The following ADGRV1 variants were observed in gnomAD, a reference collection of about 807,000 sequenced individuals.
ADGRV1 encodes the protein G-protein coupled receptor 98.
In ADGRV1, 359 loss-of-function variants were observed where a neutral mutation model predicts 596.2. That is an observed-to-expected ratio of 0.60 (90% CI 0.55 to 0.66). The LOEUF (loss-of-function observed/expected upper bound fraction) is 0.66, where lower values mean the gene tolerates loss of function less well. Among genes scored for constraint, ADGRV1 ranks in the 30% least tolerant of loss-of-function variants. The probability of loss-of-function intolerance (pLI) is 0.00; values close to 1 mark genes in which losing one functional copy is unlikely to be tolerated. For synonymous variants in ADGRV1, 2,681 were observed against 2,679.2 expected, an observed-to-expected ratio of 1.00 and a Z score of -0.02; for missense variants, 7,274 against 7,575.6, an observed-to-expected ratio of 0.96 and a Z score of 1.48.
At position 90,863,075 on chromosome 5, in the gene ADGRV1, G is replaced by T. The variant is rs539687172; in HGVS notation, c.17756-682G>T. Among the ~76,000 whole-genome samples the T allele has an allele frequency of 3.3e-5, 5 of 152,208 alleles. No individual in the cohort carries two copies. The South Asian group carries it at 1.0e-3, about 32-fold the overall frequency. ...ATAACCCTACTGAGAATAAGAGTGG[G>T]GTAAAAGCTTAAGTGAAAAAGCAAA... On this transcript the variant is annotated intron_variant, in intron 82 of 89. Transcript: ENST00000405460.
intron 83 of ADGRV1, among the ~76,000 whole-genome samples, chr5:90,883,047 C>G (rs927451070): frequency 3.3e-5 from 5 of 152,042 alleles, no homozygotes; most frequent in African/African-American, 1.2e-4. Flanking sequence ...AATTCAGTCT[C>G]TACCTTGAAA....
chr5:90,965,594 T>C, intron 84 of ADGRV1, 63 bp downstream of exon 84: 1 of 879,858 alleles, frequency 1.1e-6, no homozygotes, highest in Non-Finnish European at 1.9e-6. Flanking sequence ...TGGAGTGGTC[T>C]TAATGTCTGA....
chr5:90,802,811 G>A lies in ADGRV1; in HGVS notation c.14590G>A (p.Gly4864Arg). Residue 4864 changes from glycine to arginine, a missense_variant, in exon 71 of 90, where the codon GGA (glycine) becomes AGA (arginine). Coordinates refer to ENST00000405460, the MANE Select transcript of ADGRV1 (RefSeq NM_032119.4). ...TVMLVGGRFY[G>R]MPTILQEAKS... The stretch of plus-strand genomic sequence containing the variant: ...GATGCTTGTCGGTGGACGTTTCTAT[G>A]GAATGCCAACAATTCTTCAGGAAGC... 6 of 1,612,480 alleles carry A rather than the reference G, an allele frequency of 3.7e-6. No homozygotes were observed. The highest frequency in any genetic ancestry group is 4.2e-6 in the Non-Finnish European group (5 of 1,179,388).
intron 29 of ADGRV1, 137 bp from the exon 30 acceptor site, chr5:90,689,724 A>G (rs1746211122): frequency 1.6e-6 from 1 of 629,904 alleles, no homozygotes; most frequent in Admixed American, 2.9e-5. Context: ...CTTGCTTAGA[A>G]TAAATGTAGT....
chr5:90,935,927 G>A (rs945376723), intron 83 of ADGRV1, among the ~76,000 whole-genome samples: 1 of 152,184 alleles, frequency 6.6e-6, no homozygotes, highest in African/African-American at 2.4e-5. Context: ...GTAGTGTGTT[G>A]TGATGGTGCT....
rs147259341 is a variant in ADGRV1 at position 90,935,476 on chromosome 5, T to C, written c.17857-29939T>C. Among the ~76,000 whole-genome samples the C allele has an allele frequency of 3.9e-3, 593 of 152,300 alleles. 2 individuals are homozygous for C. The highest frequency in any genetic ancestry group is 7.0e-3 in the Non-Finnish European group (474 of 68,026). ...GGTATCAGCTGGCAGAGGGGAATAG[T>C]TGTAACCTATTTGATCATGTTTTGC... On this transcript the variant is annotated intron_variant, in intron 83 of 89. Coordinates refer to ENST00000405460, the MANE Select transcript of ADGRV1 (RefSeq NM_032119.4).
In ADGRV1 at chr5:90,922,837, C is replaced by T. The variant is rs540648556; in HGVS notation, c.17857-42578C>T. ...GTCCTCAGGCTTTAGAAATAGCATT[C>T]ATCATATTAATGACAGTTGGTTCTT... On this transcript the variant is annotated intron_variant, in intron 83 of 89. Coordinates refer to ENST00000405460, the MANE Select transcript of ADGRV1 (RefSeq NM_032119.4). Among the ~76,000 whole-genome samples, 7 of 152,298 alleles carry T rather than the reference C, an allele frequency of 4.6e-5. No homozygotes were observed. In the East Asian group the frequency reaches 9.7e-4, roughly 21 times the overall value.
chr5:90,621,981 T>C (rs1236046760), intron 4 of ADGRV1, among the ~76,000 whole-genome samples: 1 of 152,080 alleles, frequency 6.6e-6, no homozygotes, highest in Non-Finnish European at 1.5e-5. Context: ...GGCTACTGAG[T>C]TTTGCTGTCA....
chr5:90,583,053 C>T (rs1432632493), intron 1 of ADGRV1, among the ~76,000 whole-genome samples: 1 of 151,988 alleles, frequency 6.6e-6, no homozygotes, highest in Non-Finnish European at 1.5e-5. Flanking sequence ...TAATTGGAAA[C>T]AATCTTTGAG....
intron 84 of ADGRV1, among the ~76,000 whole-genome samples, chr5:90,971,879 A>C (rs1779060443): frequency 1.3e-5 from 2 of 152,258 alleles, no homozygotes; most frequent in Non-Finnish European, 2.9e-5. Flanking sequence ...AATGGGCTAA[A>C]TGCTCCAATT....
intron 73 of ADGRV1, among the ~76,000 whole-genome samples, chr5:90,808,074 GTAAGAA>G (rs768511929): frequency 1.3e-5 from 2 of 152,196 alleles, no homozygotes; most frequent in Non-Finnish European, 2.9e-5. Flanking sequence ...GTGATTAAGA[GTAAGAA>G]TAAGATTAAG....
chr5:91,077,503 C>G (rs1056564402), intron 86 of ADGRV1, among the ~76,000 whole-genome samples: 3 of 152,186 alleles, frequency 2.0e-5, no homozygotes, highest in South Asian at 2.1e-4. Context: ...CAAATAAACT[C>G]AGTGAAACCC....
At position 90,617,879 on chromosome 5, in the gene ADGRV1, A is replaced by C; in HGVS notation, c.283A>C (p.Thr95Pro). 2.5e-6 allele frequency: 4 copies of C among 1,598,898 alleles called. No individual in the cohort carries two copies. Among genetic ancestry groups the C allele is most frequent in the Non-Finnish European group, 3.4e-6 (4 of 1,171,656 alleles). ...TATACCTGCCGGAGAAACAAACAGA[A>C]CAGTGTACATAGCAGTATGTGATGA... ...AFIPAGETNR[T>P]VYIAVCDDDL... Residue 95 changes from threonine (T) to proline (P), a missense_variant, in exon 3 of 90, where the codon ACA (threonine) becomes CCA (proline). This residue lies in a region of ADGRV1 where 1,715 missense variants were observed against 1,708.8 expected (regional missense o/e 1.00). Coordinates refer to ENST00000405460, the MANE Select transcript of ADGRV1 (RefSeq NM_032119.4).
At chr5:90,789,273 C>A (rs1350932420) in intron 68 of ADGRV1, among the ~76,000 whole-genome samples, 1 of 152,142 alleles carries the variant, frequency 6.6e-6, no homozygotes, top group Non-Finnish European at 1.5e-5. Flanking sequence ...TTTGACCAAA[C>A]AACTGGGCAC....
intron 59 of ADGRV1, among the ~76,000 whole-genome samples, chr5:90,772,252 A>G (rs1361784198): frequency 6.6e-6 from 1 of 152,214 alleles, no homozygotes; most frequent in African/African-American, 2.4e-5. Context: ...ATGGTCATTC[A>G]GGGACATACA....
intron 83 of ADGRV1, among the ~76,000 whole-genome samples, chr5:90,932,761 A>T (rs1223341621): frequency 6.6e-6 from 1 of 152,096 alleles, no homozygotes. Context: ...CTTTCAGATT[A>T]AAAAAAATCA....
intron 84 of ADGRV1, among the ~76,000 whole-genome samples, chr5:90,976,259 A>T (rs1779573292): frequency 6.9e-6 from 1 of 144,842 alleles, no homozygotes. Context: ...ATTTATATAT[A>T]GTGTATATAT....
rs555627908 is a variant in ADGRV1 at position 90,945,955 on chromosome 5, C to T, written c.17857-19460C>T. On this transcript the variant is annotated intron_variant, in intron 83 of 89. Transcript: ENST00000405460. The stretch of plus-strand genomic sequence containing the variant: ...ATCTTGCCACTGTACTCTATCTAGC[C>T]TGGGTGACAGAGTGAGACCCTTTCT... 2.6e-5 allele frequency among the ~76,000 whole-genome samples: 4 copies of T among 151,280 alleles called. No homozygotes were observed. In the East Asian group the frequency reaches 7.7e-4, roughly 29 times the overall value.
chr5:90,623,128 A>G (rs1412326266), intron 5 of ADGRV1, among the ~76,000 whole-genome samples: 1 of 152,252 alleles, frequency 6.6e-6, no homozygotes, highest in Non-Finnish European at 1.5e-5. Flanking sequence ...TAAACATGAC[A>G]CAATACAATT....
Sources: gnomAD v4.1 joint callset for allele counts (sites outside exome capture counted in the v4.1 genomes callset) on GRCh38, gnomAD v4.1.1 for gene constraint, gnomAD v4.1.1 regional missense constraint, MANE v1.5 for transcripts, NCBI Gene and HGNC (gene_info 2026-07-23, HGNC 2026-07-21) for gene names.